The following MYSM1 variants were observed in gnomAD, a reference collection of about 807,000 sequenced individuals.
MYSM1 encodes deubiquitinase MYSM1.
Under a neutral mutation model 116.0 loss-of-function variants are expected in MYSM1, and 51 were observed. That is an observed-to-expected ratio of 0.44 (90% CI 0.35 to 0.56). The LOEUF is 0.56. MYSM1 is among the 20% of genes least tolerant of loss of function. The probability of loss-of-function intolerance (pLI) is 0.00; values close to 1 mark genes in which losing one functional copy is unlikely to be tolerated. For missense variants in MYSM1, 900 were observed against 974.9 expected, an observed-to-expected ratio of 0.92 and a Z score of 1.02; for synonymous variants, 313 against 315.2, an observed-to-expected ratio of 0.99 and a Z score of 0.07.
intron 8 of MYSM1, among the ~76,000 whole-genome samples, chr1:58,677,534 T>C (rs1360618266): frequency 6.6e-6 from 1 of 152,152 alleles, no homozygotes; most frequent in Non-Finnish European, 1.5e-5. Flanking sequence ...TTTTTAATTA[T>C]GATGACAACA....
At chr1:58,665,101 G>A (rs1644448092) in intron 17 of MYSM1, among the ~76,000 whole-genome samples, 1 of 152,158 alleles carries the variant, frequency 6.6e-6, no homozygotes, top group Non-Finnish European at 1.5e-5. Flanking sequence ...AAACCGGGAG[G>A]TGACAGAGAG....
chr1:58,667,257 C>T (rs1444931027), intron 15 of MYSM1, 31 bp from the exon 16 acceptor site: 31 of 1,400,764 alleles, frequency 2.2e-5, no homozygotes, highest in Admixed American at 7.2e-5. Flanking sequence ...AATGATTATA[C>T]TAAAATCCTG....
chr1:58,682,742 C>CTGGA (rs1476569201), intron 7 of MYSM1, among the ~76,000 whole-genome samples, 197 bp from the exon 8 acceptor site: 1 of 150,210 alleles, frequency 6.7e-6, no homozygotes, highest in Non-Finnish European at 1.5e-5. Context: ...GTCACCCAGG[C>CTGGA]TGGAGTGCAG....
In MYSM1 at chr1:58,664,574, T is replaced by C. The variant is rs557362469; in HGVS notation, c.2164+925A>G. Among the ~76,000 whole-genome samples, 4 of 152,312 alleles carry C rather than the reference T, an allele frequency of 2.6e-5. No individual in the cohort carries two copies. The South Asian group carries it at 8.3e-4, about 32-fold the overall frequency. ...GATACATAAAGAATAAAGCAACTAA[T>C]AGTAAATAACATGGGGGCAGTGCTG... On this transcript the variant is annotated intron_variant, in intron 17 of 19. Transcript: ENST00000472487.
intron 1 of MYSM1, chr1:58,699,541 A>G: frequency 2.5e-6 from 2 of 810,682 alleles, no homozygotes; most frequent in Non-Finnish European, 3.0e-6. Flanking sequence ...GAAGTTTTAC[A>G]ACTATCCCCA....
chr1:58,667,136 C>G lies in MYSM1; in HGVS notation c.1933G>C (p.Ala645Pro). ...CCAATAACACTGAAGCCTCTAACAG[C>G]CAAGGTTTCTGAGGCCTGTGTTTGT... ...VSQTQASETL[A>P]VRGFSVIGWY... is the part of the protein sequence containing the mutation. Residue 645 changes from alanine to proline, a missense_variant, in exon 16 of 20, where the codon GCT becomes CCT. Around this residue, in one of 3 missense-constraint regions of MYSM1, gnomAD observed 92 missense variants for 155.0 expected, o/e 0.59. Coordinates refer to ENST00000472487, the MANE Select transcript of MYSM1 (RefSeq NM_001085487.3). The G allele has an allele frequency of 6.2e-7, 1 of 1,613,422 alleles. No individual in the cohort carries two copies. The highest frequency in any genetic ancestry group is 8.5e-7 in the Non-Finnish European group (1 of 1,179,602).
rs1644994616 is a variant in MYSM1 at position 58,697,611 on chromosome 1, T to TG, written c.68+2373dup. On this transcript the variant is annotated intron_variant, in intron 1 of 19. Transcript: ENST00000472487. ...AAAAAATTTTTTTTTTTTTTTGAGATGGCGTTTTGCTCTTGTTGCCCAGGC... is the reference window on the plus strand; with the variant it reads ...AAAAAATTTTTTTTTTTTTTTGAGATGGGCGTTTTGCTCTTGTTGCCCAGGC... Among the ~76,000 whole-genome samples the TG allele has an allele frequency of 5.3e-5, 8 of 151,206 alleles. No homozygotes were observed. The South Asian group carries it at 1.7e-3, about 32-fold the overall frequency.
At chr1:58,667,371 G>T in intron 15 of MYSM1, 145 bp from the exon 16 acceptor site, 1 of 533,792 alleles carries the variant, frequency 1.9e-6, no homozygotes, top group Non-Finnish European at 3.1e-6. Context: ...ACTTGCAAAT[G>T]ACTTAAACTC....
Position 58,682,254 on chromosome 1 carries a change from T to C in MYSM1, c.790A>G (p.Thr264Ala), listed in dbSNP as rs12139511. 960,289 of 1,611,026 alleles carry C rather than the reference T, an allele frequency of 0.6. 287,579 individuals carry two copies. Among genetic ancestry groups the C allele is most frequent in the Admixed American group, 0.63 (37,764 of 59,796 alleles). ...AAGAGAGCTTCCTGGCTGTCAGAAG[T>C]AATGAATTCTCCTTGATTGGTTTCA... Reference protein sequence around the residue: ...MHETNQGEFITSDSQEALFSK... With the variant: ...MHETNQGEFIASDSQEALFSK... The change falls in exon 8 of 20, where the codon ACT becomes GCT. Residue 264 changes from threonine (T) to alanine (A), a missense_variant. Coordinates refer to ENST00000472487, the MANE Select transcript of MYSM1 (RefSeq NM_001085487.3).
chr1:58,659,497 G>A lies in MYSM1; in HGVS notation c.*500C>T, dbSNP rs1406811383. On this transcript the variant is annotated 3_prime_UTR_variant, in exon 20 of 20. Coordinates refer to ENST00000472487, the MANE Select transcript of MYSM1 (RefSeq NM_001085487.3). ...CTTGTCATGCCTCTCCTGGTCTCCT[G>A]TTAGATTTATTAATCAGTAGTTCTA... 6.6e-6 allele frequency: 1 copy of A among 152,082 alleles called. No individual in the cohort carries two copies. Among genetic ancestry groups the A allele is most frequent in the East Asian group, 1.9e-4 (1 of 5,198 alleles). 9.4% of individuals were successfully genotyped at this position (152,082 alleles called of 1,614,324 possible).
At chr1:58,673,831 CTA>C (rs1290455773) in intron 10 of MYSM1, among the ~76,000 whole-genome samples, 181 bp from the exon 11 acceptor site, 1 of 152,140 alleles carries the variant, frequency 6.6e-6, no homozygotes, top group Non-Finnish European at 1.5e-5. Flanking sequence ...AGTTAGCACT[CTA>C]GTTACAAATA....
chr1:58,667,464 A>G (rs1034507774), intron 15 of MYSM1, among the ~76,000 whole-genome samples: 4 of 152,346 alleles, frequency 2.6e-5, no homozygotes, highest in African/African-American at 9.6e-5. Flanking sequence ...TTTCCAGGTC[A>G]GCCCACATAA....
intron 6 of MYSM1, among the ~76,000 whole-genome samples, chr1:58,688,191 TAC>T (rs1029284014): frequency 2.0e-5 from 3 of 151,986 alleles, no homozygotes; most frequent in Non-Finnish European, 4.4e-5. Flanking sequence ...AAGAATATCA[TAC>T]AGTATACAGA....
At position 58,655,813 on chromosome 1, in the gene MYSM1, T is replaced by A. The variant is rs1040614284; in HGVS notation, c.*4184A>T. 6.6e-6 allele frequency: 1 copy of A among 152,130 alleles called. No individual in the cohort carries two copies. The highest frequency in any genetic ancestry group is 6.6e-5 in the Admixed American group (1 of 15,260). 9.4% of individuals were successfully genotyped at this position (152,130 alleles called of 1,614,324 possible). ...TATTTATTTACCCTGATGAAGCAGA[T>A]GATTATAAAAATGTGTGTGCTTTTC... On this transcript the variant is annotated 3_prime_UTR_variant, in exon 20 of 20. Transcript: ENST00000472487.
intron 18 of MYSM1, 59 bp from the exon 19 acceptor site, chr1:58,661,286 C>A: frequency 7.0e-7 from 1 of 1,419,124 alleles, no homozygotes; most frequent in Non-Finnish European, 9.9e-7. Context: ...TAATCAGTTT[C>A]ATAATAAACT....
rs1644365791 is a variant in MYSM1, at chr1:58,659,804, C to A, written c.*193G>T. 2.3e-6 allele frequency: 1 copy of A among 434,690 alleles called. No individual in the cohort carries two copies. Among genetic ancestry groups the A allele is most frequent in the Non-Finnish European group, 4.1e-6 (1 of 244,846 alleles). 26.9% of individuals were successfully genotyped at this position (434,690 alleles called of 1,614,324 possible). A position where few individuals can be genotyped will look rare whatever the true frequency, so the allele number is the denominator to read the frequency against. On this transcript the variant is annotated 3_prime_UTR_variant, in exon 20 of 20. Transcript: ENST00000472487. ...GTGGTGGACCCTGGTTTGCAGAACA[C>A]TCTGATAATCACTATATGAAAACAA... is the stretch of plus-strand genomic sequence containing the variant.
chr1:58,669,540 A>T (rs1413430067), intron 12 of MYSM1, among the ~76,000 whole-genome samples: 1 of 152,148 alleles, frequency 6.6e-6, no homozygotes, highest in African/African-American at 2.4e-5. Context: ...TTCAAGTGAA[A>T]AAGTGGCCAG....
At chr1:58,682,647 T>A in intron 7 of MYSM1, 102 bp from the exon 8 acceptor site, 2 of 1,083,400 alleles carry the variant, frequency 1.8e-6, no homozygotes, top group Non-Finnish European at 2.5e-6. Flanking sequence ...TTAAACTGAA[T>A]ACATGTAAAT....
At chr1:58,688,491 A>G (rs1449681711) in intron 6 of MYSM1, among the ~76,000 whole-genome samples, 1 of 151,890 alleles carries the variant, frequency 6.6e-6, no homozygotes, top group Non-Finnish European at 1.5e-5. Flanking sequence ...ATTAGAAACC[A>G]GAATACGTAT....
Sources: gnomAD v4.1 joint callset for allele counts (sites outside exome capture counted in the v4.1 genomes callset) on GRCh38, gnomAD v4.1.1 for gene constraint, gnomAD v4.1.1 regional missense constraint, MANE v1.5 for transcripts, NCBI Gene and HGNC (gene_info 2026-07-23, HGNC 2026-07-21) for gene names.